ASCL3: variants seen among roughly 807,000 people sequenced by gnomAD.
ASCL3 encodes achaete-scute family bHLH transcription factor 3.
Under a neutral mutation model 2.3 loss-of-function variants are expected in ASCL3, and 1 was observed. The observed-to-expected ratio is 0.44, with a 90% CI of 0.16 to 2.10. ASCL3 has a LOEUF of 2.10. Among genes scored for constraint, ASCL3 ranks in the 30% most tolerant of loss-of-function variants. The pLI is 0.28. For synonymous variants in ASCL3, 98 were observed against 88.5 expected (o/e 1.11, Z -0.60); for missense variants, 243 against 229.0 (o/e 1.06, Z -0.40).
At position 8,937,844 on chromosome 11, in the gene ASCL3, C is replaced by T. The variant is rs1395550147; in HGVS notation, c.318G>A (p.Val106=). ...RKRNERERQR[V]KCVNEGYAQL... ...GGGCGTAGCCTTCATTGACACATTT[C>T]ACCCGCTGCCTTTCCCGCTCATTCC... Residue 106 remains valine, a synonymous_variant, in exon 2 of 2, where the codon GTG becomes GTA. Transcript: ENST00000531618. The T allele has an allele frequency of 2.5e-6, 4 of 1,614,008 alleles. No individual in the cohort carries two copies. Among genetic ancestry groups the T allele is most frequent in the Non-Finnish European group, 3.4e-6 (4 of 1,179,988 alleles).
chr11:8,938,056 T>C lies in ASCL3; in HGVS notation c.106A>G (p.Thr36Ala), dbSNP rs745498896. Reference protein sequence around the residue: ...TRSFYLEPMVTFHVHPEAPVS... With the variant: ...TRSFYLEPMVAFHVHPEAPVS... ...GGGGCCTCTGGGTGCACGTGGAAAGTGACCATGGGCTCCAGATAGAAGGAC... is the reference window on the plus strand; with the variant it reads ...GGGGCCTCTGGGTGCACGTGGAAAGCGACCATGGGCTCCAGATAGAAGGAC... Residue 36 changes from threonine to alanine, a missense_variant, in exon 2 of 2, where the codon ACT becomes GCT. Thr to Ala is a moderately conservative substitution (Grantham distance 58). Transcript: ENST00000531618. 9.3e-6 allele frequency: 15 copies of C among 1,613,924 alleles called. No homozygotes were observed. Among genetic ancestry groups the C allele is most frequent in the Non-Finnish European group, 1.3e-5 (15 of 1,179,984 alleles).
rs1475224657 is a variant in ASCL3 at position 8,937,782 on chromosome 11, T to C, written c.380A>G (p.Lys127Arg). Reference protein sequence around the residue: ...RHHLPEEYLEKRLSKVETLRA... With the variant: ...RHHLPEEYLERRLSKVETLRA... Reference sequence around the variant, plus strand: ...GAGGGTTTCCACTTTGCTGAGTCGCTTCTCCAAATACTCCTCTGGCAGATG... The same window carrying C: ...GAGGGTTTCCACTTTGCTGAGTCGCCTCTCCAAATACTCCTCTGGCAGATG... Residue 127 changes from lysine to arginine, a missense_variant, in exon 2 of 2, where the codon AAG becomes AGG. Coordinates refer to ENST00000531618, the MANE Select transcript of ASCL3 (RefSeq NM_020646.3). The C allele has an allele frequency of 1.9e-6, 3 of 1,614,106 alleles. No individual in the cohort carries two copies. The Admixed American group carries it at 5.0e-5, about 27-fold the overall frequency.
chr11:8,939,715 G>A (rs1324466408), intron 1 of ASCL3, among the ~76,000 whole-genome samples: 4 of 152,064 alleles, frequency 2.6e-5, no homozygotes, highest in African/African-American at 9.7e-5. Context: ...TATATGCAAG[G>A]GAAATTATGA....
In ASCL3 at chr11:8,937,679, T is replaced by C; in HGVS notation, c.483A>G (p.Gly161=). The C allele has an allele frequency of 6.2e-7, 1 of 1,614,094 alleles. No homozygotes were observed. The highest frequency in any genetic ancestry group is 8.5e-7 in the Non-Finnish European group (1 of 1,179,982). ...PDKAETKNNP[G]KVSSMIATTS... Reference sequence around the variant, plus strand: ...TGGTTGCTATCATGGAGGAAACTTTTCCAGGGTTATTCTTGGTCTCAGCTT... The same window carrying C: ...TGGTTGCTATCATGGAGGAAACTTTCCCAGGGTTATTCTTGGTCTCAGCTT... The change falls in exon 2 of 2, where the codon GGA becomes GGG. Residue 161 remains glycine (G), a synonymous_variant. Coordinates refer to ENST00000531618, the MANE Select transcript of ASCL3 (RefSeq NM_020646.3).
rs746373140 is a variant in ASCL3, at chr11:8,937,828, C to T, written c.334G>A (p.Gly112Ser). ...AGATGATGGCGGAGCTGGGCGTAGC[C>T]TTCATTGACACATTTCACCCGCTGC... is the stretch of plus-strand genomic sequence containing the variant. ...ERQRVKCVNE[G>S]YAQLRHHLPE... The change falls in exon 2 of 2, where the codon GGC (glycine) becomes AGC (serine). Residue 112 changes from glycine to serine, a missense_variant. Gly to Ser is a moderately conservative substitution (Grantham distance 56). Coordinates refer to ENST00000531618, the MANE Select transcript of ASCL3 (RefSeq NM_020646.3). 3.3e-5 allele frequency: 53 copies of T among 1,614,022 alleles called. No individual in the cohort carries two copies. Among genetic ancestry groups the T allele is most frequent in the Non-Finnish European group, 4.4e-5 (52 of 1,180,020 alleles).
At chr11:8,942,629 A>G (rs1853718876) in intron 1 of ASCL3, among the ~76,000 whole-genome samples, 1 of 152,192 alleles carries the variant, frequency 6.6e-6, no homozygotes, top group Admixed American at 6.5e-5. Flanking sequence ...GTAGCATGTA[A>G]AAAATAAAAA....
rs962053478 is a variant in ASCL3 at position 8,942,990 on chromosome 11, G to C, written c.-17C>G. On this transcript the variant is annotated 5_prime_UTR_variant, in exon 1 of 2. Coordinates refer to ENST00000531618, the MANE Select transcript of ASCL3 (RefSeq NM_020646.3). ...CTCTGGAGAATAGTCTCTTACCTGA[G>C]TTTTGTCGTCAGGATGCTGTATTTT... is the stretch of plus-strand genomic sequence containing the variant. Among the ~76,000 whole-genome samples, 1 of 152,096 alleles carries C rather than the reference G, an allele frequency of 6.6e-6. No homozygotes were observed.
chr11:8,938,193 T>A lies in ASCL3; in HGVS notation c.-12-20A>T, dbSNP rs774422873. Reference sequence around the variant, plus strand: ...TTTAACCTGCAAACATAACCAAGTTTAACAATGTGGTCAGATAGAGAGCAG... The same window carrying A: ...TTTAACCTGCAAACATAACCAAGTTAAACAATGTGGTCAGATAGAGAGCAG... On this transcript the variant is annotated intron_variant, in intron 1 of 1. Coordinates refer to ENST00000531618, the MANE Select transcript of ASCL3 (RefSeq NM_020646.3). 2.6e-6 allele frequency: 4 copies of A among 1,537,050 alleles called. No homozygotes were observed. The East Asian group carries it at 9.0e-5, about 35-fold the overall frequency.
At chr11:8,942,366 A>G (rs1204532989) in intron 1 of ASCL3, among the ~76,000 whole-genome samples, 1 of 152,160 alleles carries the variant, frequency 6.6e-6, no homozygotes, top group Non-Finnish European at 1.5e-5. Flanking sequence ...TAGAAAGCCT[A>G]GTGGGGTCTG....
rs1177113588 is a variant in ASCL3, at chr11:8,937,881, A to C, written c.281T>G (p.Phe94Cys). ...RGCEYSYGPA[F>C]TRKRNERERQ... ...TTCCCGCTCATTCCTTTTCCGGGTG[A>C]AGGCTGGCCCGTAGGAGTACTCGCA... Residue 94 changes from phenylalanine to cysteine, a missense_variant, in exon 2 of 2, where the codon TTC becomes TGC. Phe to Cys is a radical substitution (Grantham distance 205, BLOSUM62 -2). Coordinates refer to ENST00000531618, the MANE Select transcript of ASCL3 (RefSeq NM_020646.3). 4 of 1,614,010 alleles carry C rather than the reference A, an allele frequency of 2.5e-6. No homozygotes were observed. The African/African-American group carries it at 5.3e-5, about 22-fold the overall frequency.
chr11:8,940,637 G>A (rs1853678487), intron 1 of ASCL3, among the ~76,000 whole-genome samples: 1 of 152,090 alleles, frequency 6.6e-6, no homozygotes, highest in African/African-American at 2.4e-5. Flanking sequence ...TATTCTGCAG[G>A]GTGGTTGTGA....
At position 8,938,116 on chromosome 11, in the gene ASCL3, T is replaced by C. The variant is rs1009296563; in HGVS notation, c.46A>G (p.Ile16Val). The C allele has an allele frequency of 1.2e-6, 2 of 1,612,076 alleles. No individual in the cohort carries two copies. Among genetic ancestry groups the C allele is most frequent in the Non-Finnish European group, 1.7e-6 (2 of 1,178,740 alleles). ...GGCAAGCGGGCAGAATCAGGGAAGA[T>C]AGGAAGTTTGTCAGGTAGACTAGAG... ...GNSSLPDKLP[I>V]FPDSARLPLT... is the part of the protein sequence containing the mutation. Residue 16 changes from isoleucine (I) to valine (V), a missense_variant, in exon 2 of 2, where the codon ATC becomes GTC. Transcript: ENST00000531618.
At position 8,937,660 on chromosome 11, in the gene ASCL3, CTA is replaced by C; in HGVS notation, c.500_501del (p.Ile167SerfsTer8). On this transcript the variant is annotated frameshift_variant, in exon 2 of 2. Transcript: ENST00000531618. LOFTEE classifies it high-confidence loss of function. The stretch of plus-strand genomic sequence containing the variant: ...GGGTCAGCATGGTGGCTGGTGGTTG[CTA>C]TCATGGAGGAAACTTTTCCAGGGTT... The part of the protein sequence containing the change: ...KNNPGKVSSM[I>X]ATTSHHADPM... 1 of 1,614,030 alleles carries C rather than the reference CTA, an allele frequency of 6.2e-7. No homozygotes were observed. The highest frequency in any genetic ancestry group is 1.6e-4 in the Middle Eastern group (1 of 6,062).
At position 8,938,319 on chromosome 11, in the gene ASCL3, G is replaced by A. The variant is rs577365931; in HGVS notation, c.-12-146C>T. On this transcript the variant is annotated intron_variant, in intron 1 of 1. Transcript: ENST00000531618. ...GGCTGGAGTGCAGTGGCGTGATCTC[G>A]GCTCACTGCAACTTCTGCCTCCTGG... The A allele has an allele frequency of 8.7e-4, 566 of 650,314 alleles. 4 individuals carry two copies. The highest frequency in any genetic ancestry group is 6.0e-5 in the East Asian group (2 of 33,532). The allele number at this position is 650,314 out of a possible 1,614,324, so 40.3% of individuals were successfully genotyped here.
At chr11:8,939,295 G>A (rs903840037) in intron 1 of ASCL3, among the ~76,000 whole-genome samples, 13 of 152,014 alleles carry the variant, frequency 8.6e-5, no homozygotes, top group African/African-American at 2.7e-4. Flanking sequence ...CTGGAGTGCA[G>A]TGGCACGATC....
At position 8,941,362 on chromosome 11, in the gene ASCL3, C is replaced by G. The variant is rs1438118261; in HGVS notation, c.-13+1624G>C. ...ACACATACACACACACACACACACA[C>G]ACACACCAGTCCTAATGTTTAGGGC... On this transcript the variant is annotated intron_variant, in intron 1 of 1. Transcript: ENST00000531618. Among the ~76,000 whole-genome samples, 3 of 151,802 alleles carry G rather than the reference C, an allele frequency of 2.0e-5. 1 individual carries two copies. Among genetic ancestry groups the G allele is most frequent in the Non-Finnish European group, 4.4e-5 (3 of 67,950 alleles).
chr11:8,937,817 C>G lies in ASCL3; in HGVS notation c.345G>C (p.Gln115His). The G allele has an allele frequency of 6.2e-7, 1 of 1,614,120 alleles. No homozygotes were observed. Among genetic ancestry groups the G allele is most frequent in the Non-Finnish European group, 8.5e-7 (1 of 1,180,006 alleles). ...ACTCCTCTGGCAGATGATGGCGGAG[C>G]TGGGCGTAGCCTTCATTGACACATT... The part of the protein sequence containing the change: ...RVKCVNEGYA[Q>H]LRHHLPEEYL... The change falls in exon 2 of 2, where the codon CAG becomes CAC. Residue 115 changes from glutamine to histidine, a missense_variant. Gln to His is a conservative substitution (Grantham distance 24). Coordinates refer to ENST00000531618, the MANE Select transcript of ASCL3 (RefSeq NM_020646.3).
intron 1 of ASCL3, among the ~76,000 whole-genome samples, chr11:8,941,872 G>T (rs149334253): frequency 1.3e-5 from 2 of 152,138 alleles, no homozygotes; most frequent in African/African-American, 4.8e-5. Flanking sequence ...GAGAAAGAAC[G>T]GGTATGGCAG....
intron 1 of ASCL3, among the ~76,000 whole-genome samples, chr11:8,941,559 G>T (rs199840479): frequency 4.1e-4 from 1 of 2,438 alleles, no homozygotes; most frequent in Non-Finnish European, 0.021. Flanking sequence ...GGGAGGAGTG[G>T]CCAGGGTTAA....
Sources: gnomAD v4.1 joint callset for allele counts (sites outside exome capture counted in the v4.1 genomes callset) on GRCh38, gnomAD v4.1.1 for gene constraint, MANE v1.5 for transcripts, NCBI Gene and HGNC (gene_info 2026-07-23, HGNC 2026-07-21) for gene names.